The following HAL variants were observed in gnomAD, a reference collection of about 807,000 sequenced individuals.
HAL encodes histidase.
A neutral mutation model predicts 81.1 loss-of-function variants in HAL; 85 were observed. The ratio of observed to expected loss-of-function variants is 1.05; its 90% CI spans 0.88 to 1.25. The LOEUF is 1.25. Ranked by LOEUF, HAL falls within the 50% of genes most tolerant of loss-of-function variation. The probability of loss-of-function intolerance (pLI) is 0.00; values close to 1 mark genes in which losing one functional copy is unlikely to be tolerated. For synonymous variants in HAL, 301 were observed against 309.2 expected (o/e 0.97, Z 0.28); for missense variants, 798 against 836.6 (o/e 0.95, Z 0.57).
rs1185289758 is a variant in HAL, at chr12:95,987,232, A to G, written c.904-18T>C. 6.2e-7 allele frequency: 1 copy of G among 1,609,198 alleles called. No homozygotes were observed. Among genetic ancestry groups the G allele is most frequent in the Non-Finnish European group, 8.5e-7 (1 of 1,175,512 alleles). On this transcript the variant is annotated intron_variant, in intron 11 of 20. Coordinates refer to ENST00000261208, the MANE Select transcript of HAL (RefSeq NM_002108.4). ...GCCAGGCCCTGTCGGGGGAGAGAGC[A>G]AAGTTTCCTACTGTGATTATTGTAA...
chr12:95,990,424 G>C lies in HAL; in HGVS notation c.824C>G (p.Ser275Cys). Reference sequence around the variant, plus strand: ...AGCATCAGCCCAGCCACTCTTCGGAGACCACATCTTCCCTTCTCCAACTAG... The same window carrying C: ...AGCATCAGCCCAGCCACTCTTCGGACACCACATCTTCCCTTCTCCAACTAG... ...LGLVGEGKMW[S>C]PKSGWADAKY... Residue 275 changes from serine to cysteine, a missense_variant, in exon 10 of 21, where the codon TCT (serine) becomes TGT (cysteine). Ser to Cys is a moderately radical substitution (Grantham distance 112). Transcript: ENST00000261208. 6.2e-7 allele frequency: 1 copy of C among 1,613,356 alleles called. No individual in the cohort carries two copies. Among genetic ancestry groups the C allele is most frequent in the Non-Finnish European group, 8.5e-7 (1 of 1,179,258 alleles).
intron 9 of HAL, among the ~76,000 whole-genome samples, chr12:95,991,064 T>C (rs2287055): frequency 0.12 from 18,660 of 152,138 alleles, 1,391 homozygotes; most frequent in East Asian, 0.33. Context: ...GAGCCGAGAT[T>C]GTGCCACTGC....
chr12:95,979,683 T>G (rs2080767919), intron 17 of HAL, among the ~76,000 whole-genome samples: 1 of 152,240 alleles, frequency 6.6e-6, no homozygotes, highest in South Asian at 2.1e-4. Context: ...TAATTCAAAT[T>G]TAACTAGTCA....
At chr12:95,982,544 C>T (rs150855362) in intron 15 of HAL, among the ~76,000 whole-genome samples, 1 of 152,334 alleles carries the variant, frequency 6.6e-6, no homozygotes, top group African/African-American at 2.4e-5. Flanking sequence ...ATAAAAACTA[C>T]TATTCCATCT....
At chr12:95,982,240 G>T (rs1015877165) in intron 15 of HAL, among the ~76,000 whole-genome samples, 1 of 152,116 alleles carries the variant, frequency 6.6e-6, no homozygotes, top group African/African-American at 2.4e-5. Flanking sequence ...ATTCTTTCAG[G>T]TAACAGCAGT....
Position 95,987,267 on chromosome 12 carries a change from A to G in HAL, c.904-53T>C, listed in dbSNP as rs971031265. 7.6e-6 allele frequency: 11 copies of G among 1,453,222 alleles called. No individual in the cohort carries two copies. In the African/African-American group the frequency reaches 1.5e-4, roughly 20 times the overall value. 90.0% of individuals were successfully genotyped at this position (1,453,222 alleles called of 1,614,324 possible). On this transcript the variant is annotated intron_variant, in intron 11 of 20. Coordinates refer to ENST00000261208, the MANE Select transcript of HAL (RefSeq NM_002108.4). ...ACTGTGATTATTGTAACGAACCTACATACCCGTGGATTTTGTATCTTTTGC... is the reference window on the plus strand; with the variant it reads ...ACTGTGATTATTGTAACGAACCTACGTACCCGTGGATTTTGTATCTTTTGC...
rs778183053 is a variant in HAL, at chr12:95,995,003, T to A, written c.248-10A>T. 5.0e-6 allele frequency: 8 copies of A among 1,597,532 alleles called. No homozygotes were observed. The South Asian group carries it at 8.8e-5, about 18-fold the overall frequency. ...GCATCACCCTCTATAACTAAAACAA[T>A]GCACGGGAGACTCGTTACAGATCAC... On this transcript the variant is annotated splice_polypyrimidine_tract_variant and intron_variant, in intron 2 of 20. Transcript: ENST00000261208.
chr12:95,988,091 C>CA lies in HAL; in HGVS notation c.903+101dup, dbSNP rs1260863560. ...CAGGGATGAACTTTAAGCAAACATGCAAGTTGCATTTAAGGAATGATTGAG... is the reference window on the plus strand; with the variant it reads ...CAGGGATGAACTTTAAGCAAACATGCAAAGTTGCATTTAAGGAATGATTGAG... On this transcript the variant is annotated intron_variant, in intron 11 of 20. Transcript: ENST00000261208. 4.5e-5 allele frequency: 34 copies of CA among 755,202 alleles called. No homozygotes were observed. The Middle Eastern group carries it at 9.6e-4, about 21-fold the overall frequency. 46.8% of individuals were successfully genotyped at this position (755,202 alleles called of 1,614,324 possible).
In HAL at chr12:95,978,009, T is replaced by G. The variant is rs1461158069; in HGVS notation, c.1589A>C (p.Asp530Ala). 1.2e-6 allele frequency: 2 copies of G among 1,612,556 alleles called. No homozygotes were observed. The highest frequency in any genetic ancestry group is 1.1e-5 in the South Asian group (1 of 91,064). The change falls in exon 18 of 21, where the codon GAC (aspartate) becomes GCC (alanine). Residue 530 changes from aspartate to alanine, a missense_variant. Transcript: ENST00000261208. ...DSLSTSAATE[D>A]HVSMGGWAAR... ...TGCCCATCCTCCCATGGAGACGTGGTCCTCCGTGGCTGCGCTGGTGGAGAG... is the reference window on the plus strand; with the variant it reads ...TGCCCATCCTCCCATGGAGACGTGGGCCTCCGTGGCTGCGCTGGTGGAGAG...
At position 95,988,228 on chromosome 12, in the gene HAL, G is replaced by A; in HGVS notation, c.868C>T (p.His290Tyr). 1 of 1,510,074 alleles carries A rather than the reference G, an allele frequency of 6.6e-7. No homozygotes were observed. The allele number at this position is 1,510,074 out of a possible 1,614,324, so 93.5% of individuals were successfully genotyped here. A position where few individuals can be genotyped will look rare whatever the true frequency, so the allele number is the denominator to read the frequency against. Reference protein sequence around the residue: ...WADAKYVLEAHGLKPVILKPK... With the variant: ...WADAKYVLEAYGLKPVILKPK... ...TTTAAAATAACTGGTTTCAATCCAT[G>A]GGCTTCTAGCACCTATAGAATGATT... Residue 290 changes from histidine to tyrosine, a missense_variant, in exon 11 of 21, where the codon CAT (histidine) becomes TAT (tyrosine). His to Tyr is a moderately conservative substitution (Grantham distance 83). Coordinates refer to ENST00000261208, the MANE Select transcript of HAL (RefSeq NM_002108.4).
In HAL at chr12:95,980,706, C is replaced by T. The variant is rs1331697524; in HGVS notation, c.1369G>A (p.Ala457Thr). 6.2e-7 allele frequency: 1 copy of T among 1,613,998 alleles called. No homozygotes were observed. The highest frequency in any genetic ancestry group is 1.1e-5 in the South Asian group (1 of 91,080). Residue 457 changes from alanine (A) to threonine (T), a missense_variant, in exon 17 of 21, where the codon GCC (alanine) becomes ACC (threonine). Transcript: ENST00000261208. ...GCAGCAAGTTCATGGATGCCAATGG[C>T]CAAGTAGTCTAGGGCCTGAAAGAGG... ...EYPAKALDYLAIGIHELAAIS... is the reference protein window; with the variant it reads ...EYPAKALDYLTIGIHELAAIS...
Position 95,986,170 on chromosome 12 carries a change from A to G in HAL, c.1052-10T>C. On this transcript the variant is annotated splice_polypyrimidine_tract_variant and intron_variant, in intron 12 of 20. Coordinates refer to ENST00000261208, the MANE Select transcript of HAL (RefSeq NM_002108.4). ...CGAAGAGCATGAATGTCTAGAATTGATGAAGGAGAAAAAGTCTGAATAATT... is the reference window on the plus strand; with the variant it reads ...CGAAGAGCATGAATGTCTAGAATTGGTGAAGGAGAAAAAGTCTGAATAATT... The G allele has an allele frequency of 6.8e-7, 1 of 1,475,896 alleles. No individual in the cohort carries two copies. The highest frequency in any genetic ancestry group is 9.5e-7 in the Non-Finnish European group (1 of 1,053,670). 91.4% of individuals were successfully genotyped at this position (1,475,896 alleles called of 1,614,324 possible).
At chr12:95,981,830 C>T (rs1009805933) in intron 15 of HAL, among the ~76,000 whole-genome samples, 1 of 152,216 alleles carries the variant, frequency 6.6e-6, no homozygotes, top group Non-Finnish European at 1.5e-5. Flanking sequence ...GTAACAGATC[C>T]TTCTTCCTGG....
chr12:95,993,868 A>C (rs766833263), intron 6 of HAL, 30 bp from the exon 7 acceptor site: 3 of 1,484,902 alleles, frequency 2.0e-6, no homozygotes, highest in Non-Finnish European at 2.8e-6. Flanking sequence ...TATGCAATTA[A>C]ATGCAGGGAT....
chr12:95,995,196 C>T (rs920959220), intron 2 of HAL: 11 of 626,542 alleles, frequency 1.8e-5, no homozygotes, highest in Non-Finnish European at 2.8e-5. Flanking sequence ...GGGCAGAGAC[C>T]AGGGGTTTAG....
intron 15 of HAL, among the ~76,000 whole-genome samples, chr12:95,982,762 AC>A (rs1196656766): frequency 6.6e-6 from 1 of 152,236 alleles, no homozygotes; most frequent in African/African-American, 2.4e-5. Flanking sequence ...TCAGCCTGTG[AC>A]CTGCTTTTGG....
chr12:95,995,342 A>G (rs1950021155), intron 2 of HAL: 1 of 557,962 alleles, frequency 1.8e-6, no homozygotes, highest in Non-Finnish European at 3.2e-6. Flanking sequence ...AATAACCTCA[A>G]AATGATTCAG....
At chr12:95,975,413 T>C (rs2080705517) in intron 20 of HAL, among the ~76,000 whole-genome samples, 1 of 151,216 alleles carries the variant, frequency 6.6e-6, no homozygotes, top group African/African-American at 2.4e-5. Flanking sequence ...CATGGTGGCA[T>C]GTGCCTGTAG....
Position 95,995,346 on chromosome 12 carries a change from G to T in HAL, c.247+318C>A. 5.4e-6 allele frequency: 3 copies of T among 559,622 alleles called. No individual in the cohort carries two copies. In the East Asian group the frequency reaches 9.4e-5, roughly 18 times the overall value. 34.7% of individuals were successfully genotyped at this position (559,622 alleles called of 1,614,324 possible). A position where few individuals can be genotyped will look rare whatever the true frequency, so the allele number is the denominator to read the frequency against. ...TCGAAAGGCAAAATAACCTCAAAAT[G>T]ATTCAGTCACTGCAAAGGGATTCAG... On this transcript the variant is annotated intron_variant, in intron 2 of 20. Coordinates refer to ENST00000261208, the MANE Select transcript of HAL (RefSeq NM_002108.4).
Sources: allele counts gnomAD v4.1 joint callset (sites outside exome capture counted in the v4.1 genomes callset), GRCh38; gene constraint gnomAD v4.1.1; transcripts MANE v1.5; gene names NCBI Gene and HGNC (gene_info 2026-07-23, HGNC 2026-07-21).